Variants in PCDH15 observed in about 807,000 individuals in gnomAD.
The protein encoded by PCDH15 is protocadherin-15.
Under a neutral mutation model 178.5 loss-of-function variants are expected in PCDH15, and 129 were observed. That is an observed-to-expected ratio of 0.72 (90% CI 0.63 to 0.84). The LOEUF is 0.84. Among genes scored for constraint, PCDH15 ranks in the 40% least tolerant of loss-of-function variants. The pLI is 0.00. For missense variants in PCDH15, 2,230 were observed against 2,099.9 expected (o/e 1.06, Z -1.21); for synonymous variants, 800 against 732.0 (o/e 1.09, Z -1.50).
chr10:55,062,784 G>A (rs1161469994), intron 2 of PCDH15, among the ~76,000 whole-genome samples: 1 of 152,114 alleles, frequency 6.6e-6, no homozygotes, highest in Non-Finnish European at 1.5e-5. Context: ...TGCAACATAT[G>A]TACCACTCTA....
At chr10:54,589,857 AAGT>A in intron 2 of PCDH15, among the ~76,000 whole-genome samples, 2 of 152,156 alleles carry the variant, frequency 1.3e-5, no homozygotes, top group Middle Eastern at 6.8e-3. Flanking sequence ...CAGTCTCCCA[AAGT>A]GCTGGGATTA....
intron 2 of PCDH15, among the ~76,000 whole-genome samples, chr10:55,326,277 G>C (rs929763888): frequency 8.0e-4 from 121 of 152,004 alleles, no homozygotes; most frequent in African/African-American, 2.9e-3. Flanking sequence ...AAAAGACACA[G>C]GCACACATAT....
chr10:54,365,680 GA>G (rs1465098830), intron 5 of PCDH15, among the ~76,000 whole-genome samples: 1 of 152,074 alleles, frequency 6.6e-6, no homozygotes, highest in African/African-American at 2.4e-5. Context: ...GCATAAGAAT[GA>G]TCAGCAACTG....
At chr10:55,484,505 C>G (rs193160412) in intron 2 of PCDH15, among the ~76,000 whole-genome samples, 43 of 151,618 alleles carry the variant, frequency 2.8e-4, no homozygotes, top group Non-Finnish European at 5.5e-4. Context: ...CTATCCCTAA[C>G]AAAATACCAA....
intron 1 of PCDH15, among the ~76,000 whole-genome samples, chr10:54,724,186 T>A (rs1473042200): frequency 6.6e-6 from 1 of 151,706 alleles, no homozygotes; most frequent in Non-Finnish European, 1.5e-5. Context: ...GGTGTATACA[T>A]CATGACAAAC....
At chr10:55,545,820 GT>G (rs774118871) in intron 2 of PCDH15, among the ~76,000 whole-genome samples, 1 of 151,718 alleles carries the variant, frequency 6.6e-6, no homozygotes, top group East Asian at 1.9e-4. Flanking sequence ...TTTTTTTTCA[GT>G]TGGGTTATGT....
intron 29 of PCDH15, among the ~76,000 whole-genome samples, chr10:53,837,415 G>A (rs930754508): frequency 2.6e-5 from 4 of 151,974 alleles, no homozygotes; most frequent in Non-Finnish European, 4.4e-5. Flanking sequence ...AACAAAATAA[G>A]TTATTAACAT....
intron 25 of PCDH15, among the ~76,000 whole-genome samples, chr10:53,928,344 T>C (rs2084752364): frequency 6.6e-6 from 1 of 151,760 alleles, no homozygotes; most frequent in African/African-American, 2.4e-5. Context: ...ACAGAAAAAA[T>C]TGCATTATCC....
intron 1 of PCDH15, among the ~76,000 whole-genome samples, chr10:54,794,987 C>A (rs1191396673): frequency 1.3e-5 from 2 of 151,692 alleles, no homozygotes; most frequent in African/African-American, 4.8e-5. Context: ...TGGCAAATCT[C>A]TTTATTTATC....
chr10:54,242,150 A>T (rs1403739244), intron 8 of PCDH15, among the ~76,000 whole-genome samples: 4 of 84,544 alleles, frequency 4.7e-5, no homozygotes, highest in African/African-American at 2.2e-4. Context: ...ATATATATAT[A>T]TATATATATA....
intron 26 of PCDH15, among the ~76,000 whole-genome samples, chr10:53,888,318 G>GTACGTACATATATA: frequency 1.1e-5 from 1 of 91,788 alleles, no homozygotes; most frequent in East Asian, 3.9e-4. Flanking sequence ...ATGTATATAT[G>GTACGTACATATATA]TACGTATATA....
At chr10:55,215,191 A>G (rs11004779) in intron 1 of PCDH15, among the ~76,000 whole-genome samples, 64,635 of 151,982 alleles carry the variant, frequency 0.43, 15,301 homozygotes, top group Non-Finnish European at 0.54. Context: ...AATCCATTAT[A>G]CAGCAAGAAA....
At chr10:54,469,497 C>T (rs2136648418) in intron 3 of PCDH15, among the ~76,000 whole-genome samples, 1 of 152,262 alleles carries the variant, frequency 6.6e-6, no homozygotes, top group East Asian at 1.9e-4. Context: ...AGGGCTTAGT[C>T]ACATATAATT....
At position 53,806,741 on chromosome 10, in the gene PCDH15, T is replaced by A. The variant is rs749998536; in HGVS notation, c.5061A>T (p.Pro1687=). 26 of 1,613,872 alleles carry A rather than the reference T, an allele frequency of 1.6e-5. No homozygotes were observed. Among genetic ancestry groups the A allele is most frequent in the Non-Finnish European group, 2.2e-5 (26 of 1,179,806 alleles). ...PVGTDNTAVK[P]LRNRLKSTVE... ...CTGTGCTTTTCAGCCTGTTCCTTAG[T>A]GGCTTCACCGCTGTATTGTCAGTCC... is the stretch of plus-strand genomic sequence containing the variant. The change falls in exon 38 of 38, where the codon CCA becomes CCT. Residue 1687 remains proline, a synonymous_variant. Transcript: ENST00000644397.
intron 2 of PCDH15, among the ~76,000 whole-genome samples, chr10:55,473,077 C>T (rs1839996271): frequency 6.6e-6 from 1 of 152,014 alleles, no homozygotes; most frequent in East Asian, 1.9e-4. Flanking sequence ...TAGTGAAACA[C>T]AAATTTGGAA....
intron 2 of PCDH15, among the ~76,000 whole-genome samples, chr10:54,542,440 T>C (rs779415437): frequency 2.6e-5 from 4 of 152,322 alleles, no homozygotes; most frequent in South Asian, 2.1e-4. Flanking sequence ...GAGGTTCTAC[T>C]ATGAAAGGTG....
intron 1 of PCDH15, among the ~76,000 whole-genome samples, chr10:55,307,801 A>C (rs16907229): frequency 6.6e-6 from 1 of 151,800 alleles, no homozygotes; most frequent in Admixed American, 6.6e-5. Flanking sequence ...TCCTAATAAT[A>C]ATTTTAGATG....
intron 1 of PCDH15, among the ~76,000 whole-genome samples, chr10:54,771,778 A>C (rs566944436): frequency 2.0e-5 from 3 of 152,266 alleles, no homozygotes; most frequent in East Asian, 1.9e-4. Flanking sequence ...TTTGATTTAT[A>C]TTCACACTTC....
At chr10:54,159,719 C>G (rs1376543844) in intron 13 of PCDH15, among the ~76,000 whole-genome samples, 2 of 151,824 alleles carry the variant, frequency 1.3e-5, no homozygotes, top group African/African-American at 2.4e-5. Flanking sequence ...TTACAATAGG[C>G]AAAGATATTG....
Sources: allele counts gnomAD v4.1 joint callset (sites outside exome capture counted in the v4.1 genomes callset), GRCh38; gene constraint gnomAD v4.1.1; transcripts MANE v1.5; gene names NCBI Gene and HGNC (gene_info 2026-07-23, HGNC 2026-07-21).